Variants in NPY2R observed in about 807,000 individuals in gnomAD.
The protein encoded by NPY2R is neuropeptide Y receptor Y2.
Under a neutral mutation model 22.3 loss-of-function variants are expected in NPY2R, and 17 were observed. That is an observed-to-expected ratio of 0.76 (90% CI 0.52 to 1.14). The LOEUF (loss-of-function observed/expected upper bound fraction) is 1.14. NPY2R is among the 50% of genes most tolerant of loss of function. The probability of loss-of-function intolerance (pLI) is 0.00; values close to 1 mark genes in which losing one functional copy is unlikely to be tolerated. For missense variants in NPY2R, 424 were observed against 467.9 expected (o/e 0.91, Z 0.87); for synonymous variants, 209 against 183.4 (o/e 1.14, Z -1.13).
chr4:155,200,989 C>T, the NPY2R span, among the ~76,000 whole-genome samples: 2 of 151,780 alleles, frequency 1.3e-5, no homozygotes, highest in Non-Finnish European at 2.9e-5. Flanking sequence ...CCTACACGCT[C>T]TGCACTTGTA....
the NPY2R span, among the ~76,000 whole-genome samples, chr4:155,188,607 T>C: frequency 6.6e-6 from 1 of 152,124 alleles, no homozygotes; most frequent in African/African-American, 2.4e-5. Context: ...GCTAGCAGAC[T>C]CTTTCCCTTG....
the NPY2R span, among the ~76,000 whole-genome samples, chr4:155,185,684 T>G: frequency 6.7e-6 from 1 of 148,834 alleles, no homozygotes; most frequent in African/African-American, 2.5e-5. Flanking sequence ...TTTTTTTTTG[T>G]AAATGGAGGA....
the NPY2R span, among the ~76,000 whole-genome samples, chr4:155,184,751 A>G: frequency 2.9e-3 from 433 of 151,676 alleles, no homozygotes; most frequent in African/African-American, 1.0e-2. Flanking sequence ...GATAGCCTTT[A>G]TTGCACAATC....
At chr4:155,202,707 T>C in the NPY2R span, among the ~76,000 whole-genome samples, 1 of 152,152 alleles carries the variant, frequency 6.6e-6, no homozygotes, top group African/African-American at 2.4e-5. Context: ...GAGATATCAA[T>C]AGTAATTTAG....
the NPY2R span, among the ~76,000 whole-genome samples, chr4:155,187,714 A>T: frequency 6.6e-5 from 10 of 152,166 alleles, no homozygotes; most frequent in African/African-American, 2.4e-4. Context: ...CATGTGTCAA[A>T]TATTTTCTTC....
the NPY2R span, among the ~76,000 whole-genome samples, chr4:155,199,470 C>T: frequency 6.6e-6 from 1 of 151,986 alleles, no homozygotes; most frequent in Non-Finnish European, 1.5e-5. Flanking sequence ...GATGCTATTC[C>T]CATCAAACTA....
the NPY2R span, among the ~76,000 whole-genome samples, chr4:155,201,200 T>C: frequency 0.051 from 7,757 of 152,144 alleles, 237 homozygotes; most frequent in Middle Eastern, 0.095. Flanking sequence ...GTATATAGTG[T>C]GATCTTAGAG....
the NPY2R span, among the ~76,000 whole-genome samples, chr4:155,180,015 T>A: frequency 3.3e-5 from 1 of 30,318 alleles, no homozygotes; most frequent in South Asian, 7.7e-4. Context: ...TTTATTTTGT[T>A]TTTTTTTTTT....
At chr4:155,191,178 A>G in the NPY2R span, among the ~76,000 whole-genome samples, 1 of 151,884 alleles carries the variant, frequency 6.6e-6, no homozygotes, top group Non-Finnish European at 1.5e-5. Context: ...GAGAATGGAG[A>G]TGCATTCTCC....
upstream of NPY2R, among the ~76,000 whole-genome samples, chr4:155,204,577 C>T (rs1729246508): frequency 6.6e-6 from 1 of 152,134 alleles, no homozygotes; most frequent in South Asian, 2.1e-4. Flanking sequence ...AAGATCATTT[C>T]TCACAGTTTT....
chr4:155,185,337 C>T, the NPY2R span, among the ~76,000 whole-genome samples: 1 of 152,058 alleles, frequency 6.6e-6, no homozygotes, highest in Non-Finnish European at 1.5e-5. Flanking sequence ...CGCGCCCAGC[C>T]AACATATATT....
the NPY2R span, among the ~76,000 whole-genome samples, chr4:155,183,099 T>C: frequency 8.5e-5 from 13 of 152,236 alleles, no homozygotes; most frequent in Admixed American, 1.3e-4. Flanking sequence ...AGCCGAGCTG[T>C]TCTAGTTTTA....
chr4:155,201,866 AC>A, the NPY2R span, among the ~76,000 whole-genome samples: 1 of 152,116 alleles, frequency 6.6e-6, no homozygotes. Context: ...CAGGATATCT[AC>A]CACTTTTGCA....
the NPY2R span, among the ~76,000 whole-genome samples, chr4:155,185,484 C>A: frequency 6.6e-6 from 1 of 152,086 alleles, no homozygotes; most frequent in Admixed American, 6.6e-5. Context: ...TTTACCTGTA[C>A]AAAATTATCA....
chr4:155,206,630 C>G (rs1729289078), upstream of NPY2R: 1 of 152,202 alleles, frequency 6.6e-6, no homozygotes, highest in Non-Finnish European at 1.5e-5. Context: ...TATGAATCTA[C>G]TAAGACAAAC....
chr4:155,185,773 TGGTG>T, the NPY2R span, among the ~76,000 whole-genome samples: 70,790 of 151,580 alleles, frequency 0.47, 17,230 homozygotes, highest in East Asian at 0.69. Context: ...CATGTGTGCC[TGGTG>T]GGTGAATAAT....
the NPY2R span, among the ~76,000 whole-genome samples, chr4:155,196,114 C>T: frequency 1.3e-5 from 2 of 152,122 alleles, no homozygotes; most frequent in South Asian, 4.1e-4. Flanking sequence ...GATCTTGCTG[C>T]TAAAATCCAA....
At chr4:155,211,571 G>A (rs888563795) in intron 1 of NPY2R, among the ~76,000 whole-genome samples, 1 of 152,114 alleles carries the variant, frequency 6.6e-6, no homozygotes, top group African/African-American at 2.4e-5. Context: ...TCAACCTGTG[G>A]GTGCAGATCC....
the NPY2R span, among the ~76,000 whole-genome samples, chr4:155,194,862 A>C: frequency 1.3e-5 from 2 of 151,964 alleles, no homozygotes; most frequent in Non-Finnish European, 2.9e-5. Flanking sequence ...ACAGTATATA[A>C]GCATTCCCTT....
Sources: gnomAD v4.1 joint callset for allele counts (sites outside exome capture counted in the v4.1 genomes callset) on GRCh38, gnomAD v4.1.1 for gene constraint, MANE v1.5 for transcripts, NCBI Gene and HGNC (gene_info 2026-07-23, HGNC 2026-07-21) for gene names.